The following LRRC39 variants were observed in gnomAD, a reference collection of about 807,000 sequenced individuals.
LRRC39 encodes leucine rich repeat containing 39, also known as leucine-rich repeat-containing protein 39.
In LRRC39, 35 loss-of-function variants were observed where a neutral mutation model predicts 39.7. The ratio of observed to expected loss-of-function variants is 0.88; its 90% CI spans 0.67 to 1.17. The LOEUF (loss-of-function observed/expected upper bound fraction) is 1.17, where lower values mean the gene tolerates loss of function less well. Ranked by LOEUF, LRRC39 falls within the 50% of genes most tolerant of loss-of-function variation. The pLI is 0.00. For missense variants in LRRC39, 357 were observed against 385.8 expected (o/e 0.93, Z 0.62); for synonymous variants, 113 against 134.1 (o/e 0.84, Z 1.09).
chr1:100,161,165 TCA>T (rs1173284490), intron 3 of LRRC39, among the ~76,000 whole-genome samples: 1 of 152,238 alleles, frequency 6.6e-6, no homozygotes, highest in Non-Finnish European at 1.5e-5. Flanking sequence ...TTTGGTATAT[TCA>T]CAGATTTGTG....
intron 3 of LRRC39, among the ~76,000 whole-genome samples, chr1:100,165,638 T>C (rs911669553): frequency 6.6e-6 from 1 of 152,130 alleles, no homozygotes; most frequent in Non-Finnish European, 1.5e-5. Flanking sequence ...CCCCCCACCC[T>C]CGTTTACTGG....
At chr1:100,159,653 G>T (rs1570769040) in intron 4 of LRRC39, among the ~76,000 whole-genome samples, 3 of 104,162 alleles carry the variant, frequency 2.9e-5, no homozygotes, top group African/African-American at 1.1e-4. Context: ...CCCCAATCAT[G>T]ATAGAATAAA....
At position 100,168,388 on chromosome 1, in the gene LRRC39, A is replaced by T. The variant is rs779846400; in HGVS notation, c.113+16T>A. On this transcript the variant is annotated intron_variant, in intron 3 of 9. Transcript: ENST00000370137. ...AATTTTCACTAATTCAAAATAATAA[A>T]TATGTTTTAGCATACTTGTGTTGAA... The T allele has an allele frequency of 1.9e-6, 3 of 1,547,356 alleles. No homozygotes were observed. Among genetic ancestry groups the T allele is most frequent in the Non-Finnish European group, 2.6e-6 (3 of 1,133,678 alleles).
intron 3 of LRRC39, among the ~76,000 whole-genome samples, chr1:100,161,237 C>T (rs1010345869): frequency 6.6e-6 from 1 of 152,120 alleles, no homozygotes; most frequent in East Asian, 1.9e-4. Context: ...AACTCCATAC[C>T]CATGAGCAGT....
At chr1:100,158,545 T>C (rs563948682) in intron 5 of LRRC39, among the ~76,000 whole-genome samples, 178 bp from the exon 6 acceptor site, 1,561 of 152,258 alleles carry the variant, frequency 0.01, 11 homozygotes, top group South Asian at 0.014. Context: ...TCACGCCATT[T>C]TCCTGCCTCA....
At chr1:100,162,011 C>T (rs1018478751) in intron 3 of LRRC39, among the ~76,000 whole-genome samples, 4 of 152,150 alleles carry the variant, frequency 2.6e-5, no homozygotes. Flanking sequence ...TACATTCCCA[C>T]CAGTGGCATA....
intron 1 of LRRC39, among the ~76,000 whole-genome samples, chr1:100,175,128 GC>G (rs2053799459): frequency 6.6e-6 from 1 of 151,572 alleles, no homozygotes; most frequent in Non-Finnish European, 1.5e-5. Context: ...AGAACCGTGA[GC>G]CAGTTAAACC....
intron 1 of LRRC39, among the ~76,000 whole-genome samples, chr1:100,174,552 G>A (rs1473460236): frequency 6.6e-6 from 1 of 152,106 alleles, no homozygotes; most frequent in Non-Finnish European, 1.5e-5. Context: ...GCCTGCCTTG[G>A]CCTCCCAAAG....
At chr1:100,177,040 G>T (rs998105895) in intron 1 of LRRC39, among the ~76,000 whole-genome samples, 1 of 152,154 alleles carries the variant, frequency 6.6e-6, no homozygotes, top group Non-Finnish European at 1.5e-5. Flanking sequence ...TTTGCTTAAA[G>T]TTATTAAGGT....
intron 6 of LRRC39, among the ~76,000 whole-genome samples, chr1:100,157,824 G>A (rs1279652948): frequency 2.0e-5 from 3 of 152,130 alleles, no homozygotes; most frequent in Admixed American, 2.0e-4. Context: ...CCAATAACAA[G>A]ACATCATACC....
In LRRC39 at chr1:100,148,863, A is replaced by T. The variant is rs72728143; in HGVS notation, c.*179T>A. 0.11 allele frequency: 142,100 copies of T among 1,246,236 alleles called. 8,618 individuals carry two copies. The highest frequency in any genetic ancestry group is 0.19 in the Middle Eastern group (718 of 3,862). The allele number at this position is 1,246,236 out of a possible 1,614,324, so 77.2% of individuals were successfully genotyped here. The stretch of plus-strand genomic sequence containing the variant: ...CATCATCTGTCTTCCACCAAAAAAA[A>T]TTTTTTAATTATATTTTTATATCAA... On this transcript the variant is annotated 3_prime_UTR_variant, in exon 10 of 10. Transcript: ENST00000370137.
At chr1:100,159,220 TG>T (rs748523165) in intron 5 of LRRC39, 38 bp downstream of exon 5, 2 of 1,524,618 alleles carry the variant, frequency 1.3e-6, no homozygotes, top group Non-Finnish European at 1.8e-6. Context: ...CATCTGCAGG[TG>T]GATAAAATAG....
intron 4 of LRRC39, among the ~76,000 whole-genome samples, 190 bp from the exon 5 acceptor site, chr1:100,159,605 CCTT>C (rs1198101142): frequency 1.0e-4 from 5 of 48,368 alleles, no homozygotes; most frequent in African/African-American, 3.5e-4. Context: ...TTTTTCTTTT[CCTT>C]TTTTTTTTTT....
At chr1:100,162,182 A>G (rs1227714353) in intron 3 of LRRC39, among the ~76,000 whole-genome samples, 1 of 152,178 alleles carries the variant, frequency 6.6e-6, no homozygotes, top group African/African-American at 2.4e-5. Flanking sequence ...AATGGCTTGC[A>G]AAGAATACAG....
At chr1:100,163,674 C>T (rs1327071637) in intron 3 of LRRC39, among the ~76,000 whole-genome samples, 3 of 151,380 alleles carry the variant, frequency 2.0e-5, no homozygotes, top group Admixed American at 6.6e-5. Context: ...CTCAAGCAAT[C>T]CTCCTGCCTC....
rs906007275 is a variant in LRRC39 at position 100,156,079 on chromosome 1, G to T, written c.659+93C>A. 45 of 1,213,292 alleles carry T rather than the reference G, an allele frequency of 3.7e-5. 1 individual carries two copies. The African/African-American group carries it at 6.4e-4, about 17-fold the overall frequency. 75.2% of individuals were successfully genotyped at this position (1,213,292 alleles called of 1,614,324 possible). A position where few individuals can be genotyped will look rare whatever the true frequency, so the allele number is the denominator to read the frequency against. On this transcript the variant is annotated intron_variant, in intron 7 of 9. Coordinates refer to ENST00000370137, the MANE Select transcript of LRRC39 (RefSeq NM_144620.4). ...CAAACTAGTTGGACCTATTGTGATTGATTATGCTTGAGATCCCATTTGTCT... is the reference window on the plus strand; with the variant it reads ...CAAACTAGTTGGACCTATTGTGATTTATTATGCTTGAGATCCCATTTGTCT...
intron 3 of LRRC39, among the ~76,000 whole-genome samples, chr1:100,166,811 A>G (rs1302704272): frequency 1.3e-5 from 2 of 152,124 alleles, no homozygotes; most frequent in African/African-American, 2.4e-5. Flanking sequence ...AATCACCAAG[A>G]CAATGGTTTT....
At chr1:100,150,520 A>G (rs887574922) in intron 9 of LRRC39, 2 of 152,212 alleles carry the variant, frequency 1.3e-5, no homozygotes, top group Non-Finnish European at 1.5e-5. Context: ...ATGTTTGATA[A>G]AATATACATA....
chr1:100,150,988 G>A (rs559989271), intron 9 of LRRC39, among the ~76,000 whole-genome samples: 11 of 152,056 alleles, frequency 7.2e-5, no homozygotes, highest in South Asian at 2.1e-4. Context: ...TTAGTGGGGC[G>A]TGGCGTGGTG....
Sources: gnomAD v4.1 joint callset for allele counts (sites outside exome capture counted in the v4.1 genomes callset) on GRCh38, gnomAD v4.1.1 for gene constraint, MANE v1.5 for transcripts, NCBI Gene and HGNC (gene_info 2026-07-23, HGNC 2026-07-21) for gene names.